Variants in SARAF observed in about 807,000 individuals in gnomAD.
SARAF encodes store-operated calcium entry-associated regulatory factor.
Under a neutral mutation model 39.7 loss-of-function variants are expected in SARAF, and 23 were observed. The ratio of observed to expected loss-of-function variants is 0.58; its 90% CI spans 0.42 to 0.82. The LOEUF (loss-of-function observed/expected upper bound fraction) is 0.82, where lower values mean the gene tolerates loss of function less well. Ranked by LOEUF, SARAF falls within the 40% of genes least tolerant of loss-of-function variation. The pLI, the probability that SARAF is intolerant of heterozygous loss-of-function variation, is 0.00. For synonymous variants in SARAF, 175 were observed against 168.5 expected (o/e 1.04, Z -0.30); for missense variants, 384 against 418.5 (o/e 0.92, Z 0.72).
In SARAF at chr8:30,074,018, G is replaced by C; in HGVS notation, c.141C>G (p.Leu47=). 1 of 1,613,978 alleles carries C rather than the reference G, an allele frequency of 6.2e-7. No individual in the cohort carries two copies. The highest frequency in any genetic ancestry group is 2.2e-5 in the East Asian group (1 of 44,874). The change falls in exon 2 of 6, where the codon CTC becomes CTG. Residue 47 remains leucine, a synonymous_variant. Coordinates refer to ENST00000256255, the MANE Select transcript of SARAF (RefSeq NM_016127.6). ...MLLRDVKALT[L]HYDRYTTSRR... ...GGGAGGTGGTATAGCGGTCATAGTGGAGGGTAAGAGCTTTTACATCCCGCA... is the reference window on the plus strand; with the variant it reads ...GGGAGGTGGTATAGCGGTCATAGTGCAGGGTAAGAGCTTTTACATCCCGCA...
chr8:30,075,930 A>C (rs1801947506), intron 1 of SARAF, among the ~76,000 whole-genome samples: 1 of 149,800 alleles, frequency 6.7e-6, no homozygotes, highest in Non-Finnish European at 1.5e-5. Context: ...CAAATGCCAG[A>C]ACAGCAAAGG....
rs768534452 is a variant in SARAF, at chr8:30,069,761, AG to A, written c.580del (p.Leu194Ter). 6.2e-7 allele frequency: 1 copy of A among 1,614,030 alleles called. No homozygotes were observed. Among genetic ancestry groups the A allele is most frequent in the Non-Finnish European group, 8.5e-7 (1 of 1,179,994 alleles). On this transcript the variant is annotated frameshift_variant, in exon 3 of 6. Coordinates refer to ENST00000256255, the MANE Select transcript of SARAF (RefSeq NM_016127.6). LOFTEE classifies it high-confidence loss of function. The part of the protein sequence containing the change: ...GIAFVVYKLF[L>X]SDGQYSPPPY... ...TGGAGGAGAATACTGCCCGTCACTC[AG>A]GAACAGCTTATAGACTACAAACGCG...
Position 30,082,965 on chromosome 8 carries a change from T to A in SARAF, c.-16A>T. On this transcript the variant is annotated 5_prime_UTR_variant, in exon 1 of 6. Coordinates refer to ENST00000256255, the MANE Select transcript of SARAF (RefSeq NM_016127.6). ...CTGCGGCCATGGCGCTCGATGAAGA[T>A]GGCGCCGGGCTGCCAGACGCCTACG... is the stretch of plus-strand genomic sequence containing the variant. The A allele has an allele frequency of 6.5e-7, 1 of 1,535,822 alleles. No homozygotes were observed. The highest frequency in any genetic ancestry group is 8.8e-7 in the Non-Finnish European group (1 of 1,140,440).
Position 30,063,643 on chromosome 8 carries a change from G to A in SARAF, c.*245C>T, listed in dbSNP as rs1040400701. 37 of 538,650 alleles carry A rather than the reference G, an allele frequency of 6.9e-5. No individual in the cohort carries two copies. In the African/African-American group the frequency reaches 7.1e-4, roughly 10 times the overall value. The allele number at this position is 538,650 out of a possible 1,614,324, so 33.4% of individuals were successfully genotyped here. ...TGTATTTTTAGCATTCCACAGTAAT[G>A]ATCACTTTCAAAAACTGCAATATAC... On this transcript the variant is annotated 3_prime_UTR_variant, in exon 6 of 6. Transcript: ENST00000256255.
chr8:30,082,504 CA>C (rs1264794479), intron 1 of SARAF: 1 of 221,300 alleles, frequency 4.5e-6, no homozygotes, highest in African/African-American at 2.3e-5. Flanking sequence ...ACAGCCATAA[CA>C]ACAAAGCAGA....
intron 1 of SARAF, among the ~76,000 whole-genome samples, chr8:30,079,158 C>CAAAAAAAAAAAAAAAAAAAAAA (rs60893961): frequency 1.8e-5 from 1 of 54,682 alleles, no homozygotes; most frequent in Non-Finnish European, 4.1e-5. Context: ...AACTCCATCT[C>CAAAAAAAAAAAAAAAAAAAAAA]AAAAAAAAAA....
intron 1 of SARAF, among the ~76,000 whole-genome samples, chr8:30,074,378 T>G (rs2117435772): frequency 6.6e-6 from 1 of 152,338 alleles, no homozygotes; most frequent in Admixed American, 6.5e-5. Flanking sequence ...TAGTGGTTAA[T>G]TAAAATGGCA....
chr8:30,079,483 A>G (rs564291258), intron 1 of SARAF, among the ~76,000 whole-genome samples: 1 of 152,376 alleles, frequency 6.6e-6, no homozygotes, highest in South Asian at 2.1e-4. Flanking sequence ...CTCCTCATAC[A>G]TAAAAAATAA....
rs144403777 is a variant in SARAF, at chr8:30,069,724, C to T, written c.618G>A (p.Glu206=). The T allele has an allele frequency of 4.4e-5, 71 of 1,614,024 alleles. No homozygotes were observed. In the African/African-American group the frequency reaches 8.7e-4, roughly 20 times the overall value. The change falls in exon 3 of 6, where the codon GAG becomes GAA. Residue 206 remains glutamate (E), a synonymous_variant. Coordinates refer to ENST00000256255, the MANE Select transcript of SARAF (RefSeq NM_016127.6). Reference sequence around the variant, plus strand: ...GGTAACGGTGGGAAAATGGAGGATACTCAGAGTACGGTGGAGGAGAATACT... The same window carrying T: ...GGTAACGGTGGGAAAATGGAGGATATTCAGAGTACGGTGGAGGAGAATACT... The part of the protein sequence containing the change: ...DGQYSPPPYS[E]YPPFSHRYQR...
chr8:30,065,816 G>T, intron 5 of SARAF, 172 bp downstream of exon 5: 1 of 757,698 alleles, frequency 1.3e-6, no homozygotes. Context: ...ATCCCTGTTT[G>T]ATTTTTAAAG....
chr8:30,065,971 G>A lies in SARAF; in HGVS notation c.994+17C>T, dbSNP rs761593277. On this transcript the variant is annotated intron_variant, in intron 5 of 5. Transcript: ENST00000256255. The stretch of plus-strand genomic sequence containing the variant: ...CTTTACTCCTAGGTAAAAGGAACTT[G>A]TATTTTTTGCTCTTACCTGATGCAG... The A allele has an allele frequency of 3.2e-6, 5 of 1,547,720 alleles. No homozygotes were observed. The highest frequency in any genetic ancestry group is 3.4e-5 in the Admixed American group (2 of 59,164).
chr8:30,066,625 T>C (rs1418276995), intron 4 of SARAF, 152 bp downstream of exon 4: 2 of 895,042 alleles, frequency 2.2e-6, no homozygotes, highest in Admixed American at 2.7e-5. Flanking sequence ...TCAAAACAAA[T>C]ATAGTGTACC....
chr8:30,082,752 G>T, intron 1 of SARAF, 95 bp downstream of exon 1: 1 of 982,528 alleles, frequency 1.0e-6, no homozygotes, highest in Non-Finnish European at 1.4e-6. Context: ...CCCAGGCTCC[G>T]GGAAGACGGC....
chr8:30,079,888 G>A (rs10090988), intron 1 of SARAF, among the ~76,000 whole-genome samples: 112,691 of 152,022 alleles, frequency 0.74, 42,822 homozygotes, highest in South Asian at 0.84. Flanking sequence ...TAATACCCAC[G>A]CCCCACTAGT....
Position 30,069,637 on chromosome 8 carries a change from CAT to C in SARAF, c.700+3_700+4del. 6.5e-7 allele frequency: 1 copy of C among 1,546,288 alleles called. No individual in the cohort carries two copies. Among genetic ancestry groups the C allele is most frequent in the Non-Finnish European group, 8.9e-7 (1 of 1,129,818 alleles). On this transcript the variant is annotated splice_donor_region_variant and intron_variant, in intron 3 of 5. Coordinates refer to ENST00000256255, the MANE Select transcript of SARAF (RefSeq NM_016127.6). ...CTATTTATGGCCACTGCGAGGGAAA[CAT>C]ACCTGTGAACTCAGACTTAAAGCCT...
intron 3 of SARAF, among the ~76,000 whole-genome samples, chr8:30,068,752 G>A (rs56764161): frequency 0.079 from 11,968 of 151,930 alleles, 599 homozygotes; most frequent in African/African-American, 0.14. Context: ...ATGTTCTACC[G>A]GAAATACATT....
intron 1 of SARAF, among the ~76,000 whole-genome samples, chr8:30,081,573 GCAC>G (rs1802097880): frequency 6.6e-6 from 1 of 152,194 alleles, no homozygotes; most frequent in African/African-American, 2.4e-5. Context: ...CTTGCAAATA[GCAC>G]CTTCTCTCTC....
At chr8:30,065,852 A>T in intron 5 of SARAF, 136 bp downstream of exon 5, 2 of 951,540 alleles carry the variant, frequency 2.1e-6, no homozygotes, top group Non-Finnish European at 3.3e-6. Flanking sequence ...GATCTCAGTT[A>T]ACTGTGCTAT....
At chr8:30,073,810 A>C in intron 2 of SARAF, 67 bp downstream of exon 2, 1 of 1,421,164 alleles carries the variant, frequency 7.0e-7, no homozygotes, top group South Asian at 1.3e-5. Flanking sequence ...AGACTGAATA[A>C]TGTCCCAATA....
Sources: gnomAD v4.1 joint callset for allele counts (sites outside exome capture counted in the v4.1 genomes callset) on GRCh38, gnomAD v4.1.1 for gene constraint, MANE v1.5 for transcripts, NCBI Gene and HGNC (gene_info 2026-07-23, HGNC 2026-07-21) for gene names.